Variants in GRTP1 observed in about 807,000 individuals in gnomAD.
The protein encoded by GRTP1 is growth hormone regulated TBC protein 1, also known as growth hormone-regulated TBC protein 1.
In GRTP1, 56 loss-of-function variants were observed where a neutral mutation model predicts 38.1. The ratio of observed to expected loss-of-function variants is 1.47; its 90% CI spans 1.19 to 1.84. GRTP1 has a LOEUF of 1.84. Among genes scored for constraint, GRTP1 ranks in the 40% most tolerant of loss-of-function variants. GRTP1 has a pLI of 0.00. For synonymous variants in GRTP1, 217 were observed against 189.5 expected (o/e 1.14, Z -1.19); for missense variants, 506 against 453.9 (o/e 1.11, Z -1.04).
chr13:113,326,118 C>G (rs753758641), intron 5 of GRTP1, 27 bp from the exon 6 acceptor site: 17 of 1,600,452 alleles, frequency 1.1e-5, no homozygotes, highest in Non-Finnish European at 1.4e-5. Flanking sequence ...AGAAAAGACC[C>G]CGAGACACTC....
intron 2 of GRTP1, chr13:113,355,839 T>A (rs2295960): frequency 0.42 from 70,958 of 167,558 alleles, 15,631 homozygotes; most frequent in East Asian, 0.68. Flanking sequence ...CCCAGCTGAG[T>A]ACAAGGAGGC....
At chr13:113,354,219 A>G in intron 3 of GRTP1, among the ~76,000 whole-genome samples, 1 of 152,160 alleles carries the variant, frequency 6.6e-6, no homozygotes, top group East Asian at 1.9e-4. Flanking sequence ...TCTGGCCGCC[A>G]GGCTGTGCAC....
chr13:113,335,919 AGT>A (rs2139424814), intron 5 of GRTP1, among the ~76,000 whole-genome samples: 1 of 152,132 alleles, frequency 6.6e-6, no homozygotes, highest in Non-Finnish European at 1.5e-5. Context: ...CAGCCTCCTG[AGT>A]AGCTGGAATT....
In GRTP1 at chr13:113,324,449, C is replaced by T. The variant is rs372123065; in HGVS notation, c.*39G>A. 66 of 1,519,966 alleles carry T rather than the reference C, an allele frequency of 4.3e-5. No individual in the cohort carries two copies. Among genetic ancestry groups the T allele is most frequent in the Non-Finnish European group, 5.7e-5 (64 of 1,131,424 alleles). 94.2% of individuals were successfully genotyped at this position (1,519,966 alleles called of 1,614,324 possible). On this transcript the variant is annotated 3_prime_UTR_variant, in exon 8 of 8. Coordinates refer to ENST00000375431, the MANE Select transcript of GRTP1 (RefSeq NM_024719.4). ...CAGTGTCAACTCTGGAAAGGGGCAT[C>T]GTCAGTGTAGAGACGAGCAACGCAG...
At chr13:113,329,086 C>T (rs573764949) in intron 5 of GRTP1, among the ~76,000 whole-genome samples, 3 of 152,376 alleles carry the variant, frequency 2.0e-5, no homozygotes, top group Non-Finnish European at 2.9e-5. Context: ...CCAGGGTGTG[C>T]GTGACACGTG....
At chr13:113,357,791 T>G (rs2043422907) in intron 2 of GRTP1, among the ~76,000 whole-genome samples, 1 of 152,154 alleles carries the variant, frequency 6.6e-6, no homozygotes, top group Admixed American at 6.5e-5. Context: ...AGGCAAGGAC[T>G]GTTCTAACTG....
intron 3 of GRTP1, chr13:113,352,043 G>T: frequency 6.7e-6 from 1 of 149,998 alleles, no homozygotes. Context: ...GCCAACATTA[G>T]TTCAATGCCT....
In GRTP1 at chr13:113,346,043, GCCGAGAGCAGACCCGGGAGGACC is replaced by G. The variant is rs1566428776; in HGVS notation, c.466-1107_466-1085del. On this transcript the variant is annotated intron_variant, in intron 4 of 7. Coordinates refer to ENST00000375431, the MANE Select transcript of GRTP1 (RefSeq NM_024719.4). ...GAGCAGACCTGGGAAGACATCTGTG[GCCGAGAGCAGACCCGGGAGGACC>G]TCTGCGGCTGAGCAGACCTGGGAAG... is the stretch of plus-strand genomic sequence containing the variant. 2.3e-4 allele frequency among the ~76,000 whole-genome samples: 19 copies of G among 83,110 alleles called. 1 individual carries two copies. Among genetic ancestry groups the G allele is most frequent in the South Asian group, 4.7e-4 (1 of 2,114 alleles). The allele number at this position is 83,110 out of a possible 152,430, so 54.5% of individuals were successfully genotyped here. A position where few individuals can be genotyped will look rare whatever the true frequency, so the allele number is the denominator to read the frequency against.
chr13:113,355,049 C>T, intron 3 of GRTP1: 1 of 350,686 alleles, frequency 2.9e-6, no homozygotes, highest in Non-Finnish European at 5.2e-6. Context: ...CCGCCTCTCC[C>T]TGTCCCGCGA....
Position 113,343,295 on chromosome 13 carries a change from C to A in GRTP1, c.562+1568G>T, listed in dbSNP as rs1297657516. Reference sequence around the variant, plus strand: ...CACCGAACTGAGCTGAGACAGCCGGCATCCTTTCCGCCCTGCGAGGTTCTG... The same window carrying A: ...CACCGAACTGAGCTGAGACAGCCGGAATCCTTTCCGCCCTGCGAGGTTCTG... On this transcript the variant is annotated intron_variant, in intron 5 of 7. Transcript: ENST00000375431. This position sits in a 1 kb window ranked among gnomAD's most constrained non-coding sequence, Gnocchi z 4.8. Among the ~76,000 whole-genome samples the A allele has an allele frequency of 6.6e-6, 1 of 152,158 alleles. No individual in the cohort carries two copies. The highest frequency in any genetic ancestry group is 1.5e-5 in the Non-Finnish European group (1 of 68,030).
Position 113,338,360 on chromosome 13 carries a change from A to G in GRTP1, c.562+6503T>C, listed in dbSNP as rs58575628. 9.1e-3 allele frequency among the ~76,000 whole-genome samples: 1,391 copies of G among 152,306 alleles called. 23 individuals are homozygous for G. The highest frequency in any genetic ancestry group is 0.032 in the African/African-American group (1,310 of 41,572). ...GCCACGGGGAGCGTGTCCTCAGGTC[A>G]CTTCCTAACTGAATTGGGATTAGAG... is the stretch of plus-strand genomic sequence containing the variant. On this transcript the variant is annotated intron_variant, in intron 5 of 7. Transcript: ENST00000375431.
intron 5 of GRTP1, 47 bp from the exon 6 acceptor site, chr13:113,326,138 C>T (rs2042764961): frequency 3.1e-6 from 5 of 1,592,636 alleles, no homozygotes; most frequent in Non-Finnish European, 4.3e-6. Context: ...CCCGTCACCT[C>T]CACAAGCCCC....
At chr13:113,324,773 T>C in intron 7 of GRTP1, 196 bp from the exon 8 acceptor site, 1 of 1,336,462 alleles carries the variant, frequency 7.5e-7, no homozygotes, top group Non-Finnish European at 9.5e-7. Flanking sequence ...GCTTTGCTGC[T>C]CAGAAATGTT....
chr13:113,351,055 C>T (rs927824413), intron 3 of GRTP1, 82 bp from the exon 4 acceptor site: 8 of 1,583,246 alleles, frequency 5.1e-6, no homozygotes, highest in Non-Finnish European at 6.0e-6. Flanking sequence ...AGGGTGGCCA[C>T]CTGGGTTCCA....
intron 3 of GRTP1, chr13:113,351,873 A>G (rs2043273418): frequency 2.0e-5 from 3 of 152,208 alleles, no homozygotes; most frequent in Non-Finnish European, 4.4e-5. Flanking sequence ...AGATGGACTC[A>G]CAGCAGTCCC....
intron 5 of GRTP1, among the ~76,000 whole-genome samples, chr13:113,340,898 T>C (rs888753163): frequency 1.3e-5 from 2 of 152,164 alleles, no homozygotes; most frequent in Non-Finnish European, 2.9e-5. Flanking sequence ...CCATCAGATG[T>C]TCTATTTTCT....
Position 113,363,856 on chromosome 13 carries a change from C to A in GRTP1, c.87G>T (p.Glu29Asp), listed in dbSNP as rs764332079. ...TGACCAGGTAGCTGGAGAAAAACTTCTCGTAGGCGGCGTCGTCGAAGTCCT... is the reference window on the plus strand; with the variant it reads ...TGACCAGGTAGCTGGAGAAAAACTTATCGTAGGCGGCGTCGTCGAAGTCCT... Reference protein sequence around the residue: ...RPEDFDDAAYEKFFSSYLVTL... With the variant: ...RPEDFDDAAYDKFFSSYLVTL... The change falls in exon 2 of 8, where the codon GAG (glutamate) becomes GAT (aspartate). Residue 29 changes from glutamate to aspartate, a missense_variant. Glu to Asp is a conservative substitution (Grantham distance 45). Transcript: ENST00000375431. 1.9e-6 allele frequency: 3 copies of A among 1,611,912 alleles called. No homozygotes were observed. Among genetic ancestry groups the A allele is most frequent in the East Asian group, 2.2e-5 (1 of 44,686 alleles).
At chr13:113,355,056 G>A in intron 3 of GRTP1, 1 of 361,438 alleles carries the variant, frequency 2.8e-6, no homozygotes, top group Non-Finnish European at 5.0e-6. Context: ...TCCCTGTCCC[G>A]CGAGTCTTCA....
intron 5 of GRTP1, among the ~76,000 whole-genome samples, chr13:113,335,095 T>C (rs1202232517): frequency 1.1e-4 from 1 of 9,130 alleles, no homozygotes; most frequent in Non-Finnish European, 7.7e-4. Flanking sequence ...GTGCTGGGAT[T>C]ACAGGCATGA....
Sources: allele counts gnomAD v4.1 joint callset (sites outside exome capture counted in the v4.1 genomes callset), GRCh38; gene constraint gnomAD v4.1.1; non-coding constraint Gnocchi (gnomAD v3.1); transcripts MANE v1.5; gene names NCBI Gene and HGNC (gene_info 2026-07-23, HGNC 2026-07-21).